Variants in SAMMSON observed in about 807,000 individuals in gnomAD.
The protein encoded by SAMMSON is survival associated mitochondrial melanoma specific oncogenic non-coding RNA, also known as long intergenic non-protein coding RNA 1212.
intron 7 of SAMMSON, among the ~76,000 whole-genome samples, chr3:70,297,081 A>G (rs1702296826): frequency 6.6e-6 from 1 of 152,070 alleles, no homozygotes; most frequent in African/African-American, 2.4e-5. Flanking sequence ...TTCCTTATCA[A>G]AATGTTCTTT....
intron 3 of SAMMSON, among the ~76,000 whole-genome samples, chr3:70,028,750 A>G (rs564764840): frequency 6.6e-6 from 1 of 152,324 alleles, no homozygotes; most frequent in Non-Finnish European, 1.5e-5. Context: ...TTTCATTCTC[A>G]TTCTTTGGGC....
chr3:70,071,251 G>A (rs1011824335), intron 3 of SAMMSON, among the ~76,000 whole-genome samples: 1 of 151,968 alleles, frequency 6.6e-6, no homozygotes, highest in Non-Finnish European at 1.5e-5. Context: ...TCTGGTTTCT[G>A]TCTCCTTTCT....
chr3:70,216,045 T>G (rs1701408608), intron 4 of SAMMSON, among the ~76,000 whole-genome samples: 1 of 152,048 alleles, frequency 6.6e-6, no homozygotes, highest in Admixed American at 6.6e-5. Context: ...ACAAATAAAT[T>G]AAAATCTATA....
At chr3:70,292,361 C>G (rs1702246925) in intron 7 of SAMMSON, among the ~76,000 whole-genome samples, 1 of 151,972 alleles carries the variant, frequency 6.6e-6, no homozygotes, top group Middle Eastern at 3.2e-3. Flanking sequence ...ATCTTGTTGG[C>G]CTTGATATCT....
chr3:70,024,545 T>A (rs1163908171), intron 3 of SAMMSON, among the ~76,000 whole-genome samples: 1 of 152,210 alleles, frequency 6.6e-6, no homozygotes, highest in African/African-American at 2.4e-5. Flanking sequence ...AAGCCTCTGA[T>A]GCCAGGAGAC....
chr3:70,037,803 C>G (rs2067091860), intron 3 of SAMMSON, among the ~76,000 whole-genome samples: 1 of 152,162 alleles, frequency 6.6e-6, no homozygotes, highest in African/African-American at 2.4e-5. Flanking sequence ...CATGTAGACA[C>G]TCTCAATTGA....
chr3:70,301,898 G>A (rs1702352214), intron 7 of SAMMSON, among the ~76,000 whole-genome samples: 1 of 152,046 alleles, frequency 6.6e-6, no homozygotes, highest in Admixed American at 6.6e-5. Context: ...TTTGATACGT[G>A]AAAGAGGAGT....
At chr3:70,184,407 C>T (rs1357170353) in intron 4 of SAMMSON, among the ~76,000 whole-genome samples, 1 of 152,210 alleles carries the variant, frequency 6.6e-6, no homozygotes, top group Non-Finnish European at 1.5e-5. Flanking sequence ...CTTCACACTA[C>T]TGTGCTTCCA....
At chr3:70,267,811 T>G (rs1180616997) in intron 6 of SAMMSON, among the ~76,000 whole-genome samples, 1 of 152,120 alleles carries the variant, frequency 6.6e-6, no homozygotes, top group East Asian at 1.9e-4. Flanking sequence ...GAAACAAGTT[T>G]TGTTAGGTAA....
chr3:70,134,747 A>G (rs2067499078), intron 4 of SAMMSON, among the ~76,000 whole-genome samples: 1 of 152,148 alleles, frequency 6.6e-6, no homozygotes, highest in Admixed American at 6.5e-5. Flanking sequence ...TCTAAAACAA[A>G]TATATGTCTT....
At chr3:70,186,754 G>A (rs1701094988) in intron 4 of SAMMSON, among the ~76,000 whole-genome samples, 1 of 152,164 alleles carries the variant, frequency 6.6e-6, no homozygotes, top group African/African-American at 2.4e-5. Flanking sequence ...TAAATAATCA[G>A]TGCTCATAAA....
chr3:70,407,248 C>G (rs1211077329), intron 2 of SAMMSON, among the ~76,000 whole-genome samples: 2 of 152,118 alleles, frequency 1.3e-5, no homozygotes, highest in Non-Finnish European at 2.9e-5. Context: ...TTTTCTACCC[C>G]TTGTCCCTCC....
At chr3:70,170,579 CTTTTTTTTTT>C (rs538385626) in intron 4 of SAMMSON, among the ~76,000 whole-genome samples, 3 of 105,490 alleles carry the variant, frequency 2.8e-5, no homozygotes, top group Admixed American at 2.2e-4. Context: ...CTAGATTTTC[CTTTTTTTTTT>C]TTTTTTTTTT....
At chr3:70,405,750 G>C (rs1247318177) in intron 2 of SAMMSON, among the ~76,000 whole-genome samples, 1 of 152,216 alleles carries the variant, frequency 6.6e-6, no homozygotes, top group African/African-American at 2.4e-5. Context: ...TCCGGAAGGA[G>C]AGGGTAGAGT....
chr3:70,179,226 G>C (rs976625307), intron 4 of SAMMSON, among the ~76,000 whole-genome samples: 1 of 152,224 alleles, frequency 6.6e-6, no homozygotes, highest in African/African-American at 2.4e-5. Flanking sequence ...GCTCTCTTCT[G>C]TGGGTGCTGT....
At chr3:70,278,096 C>A (rs943153542) in intron 6 of SAMMSON, among the ~76,000 whole-genome samples, 4 of 152,080 alleles carry the variant, frequency 2.6e-5, no homozygotes, top group African/African-American at 7.2e-5. Flanking sequence ...TCATCATTTC[C>A]CCCGCCTCCC....
chr3:70,193,166 T>C (rs1048178675), intron 4 of SAMMSON, among the ~76,000 whole-genome samples: 5 of 152,144 alleles, frequency 3.3e-5, no homozygotes, highest in African/African-American at 1.2e-4. Context: ...ATCCAAATAA[T>C]GGCACAGCTC....
intron 3 of SAMMSON, chr3:70,030,614 A>G (rs974149938): frequency 7.2e-5 from 11 of 152,196 alleles, no homozygotes; most frequent in Non-Finnish European, 1.5e-4. Context: ...GGAATTTTAA[A>G]TGAACTCCAT....
intron 7 of SAMMSON, among the ~76,000 whole-genome samples, chr3:70,308,791 A>C (rs555559334): frequency 6.6e-6 from 1 of 152,284 alleles, no homozygotes; most frequent in East Asian, 1.9e-4. Flanking sequence ...AAATAATAGC[A>C]GTACTCAGAA....
Sources: gnomAD v4.1 joint callset for allele counts (sites outside exome capture counted in the v4.1 genomes callset) on GRCh38, gnomAD v4.1.1 for gene constraint, MANE v1.5 for transcripts, NCBI Gene and HGNC (gene_info 2026-07-23, HGNC 2026-07-21) for gene names.